ANKIB1: variants seen among roughly 807,000 people sequenced by gnomAD.
ANKIB1 encodes ankyrin repeat and IBR domain-containing protein 1.
Under a neutral mutation model 122.1 loss-of-function variants are expected in ANKIB1, and 43 were observed. The observed-to-expected ratio is 0.35, with a 90% CI of 0.28 to 0.45. The LOEUF (loss-of-function observed/expected upper bound fraction) is 0.45, where lower values mean the gene tolerates loss of function less well. Among genes scored for constraint, ANKIB1 ranks in the 20% least tolerant of loss-of-function variants. The pLI is 1.00. For missense variants in ANKIB1, 992 were observed against 1,329.5 expected (o/e 0.75, Z 3.95); for synonymous variants, 390 against 442.0 (o/e 0.88, Z 1.48).
chr7:92,319,271 A>G (rs993152848), intron 3 of ANKIB1, 59 bp from the exon 4 acceptor site: 2 of 1,029,332 alleles, frequency 1.9e-6, no homozygotes, highest in Non-Finnish European at 2.8e-6. Context: ...TTTTAAAAAT[A>G]GCATGAAATA....
intron 1 of ANKIB1, among the ~76,000 whole-genome samples, chr7:92,290,154 A>G (rs1802215550): frequency 6.6e-6 from 1 of 152,194 alleles, no homozygotes; most frequent in African/African-American, 2.4e-5. Context: ...TACAGTAACC[A>G]CTAGAGCATT....
intron 10 of ANKIB1, among the ~76,000 whole-genome samples, chr7:92,370,368 C>T (rs1218489251): frequency 2.0e-5 from 3 of 151,402 alleles, no homozygotes; most frequent in Admixed American, 2.0e-4. Flanking sequence ...ATTAGCCAGG[C>T]GTGGTGGCAG....
intron 1 of ANKIB1, among the ~76,000 whole-genome samples, chr7:92,293,282 A>T (rs10236645): frequency 0.023 from 3,482 of 152,280 alleles, 141 homozygotes; most frequent in African/African-American, 0.08. Flanking sequence ...TATACAGCCA[A>T]GGTTGAGAAC....
At chr7:92,321,224 A>G (rs1487599809) in intron 4 of ANKIB1, among the ~76,000 whole-genome samples, 1 of 152,114 alleles carries the variant, frequency 6.6e-6, no homozygotes, top group Non-Finnish European at 1.5e-5. Flanking sequence ...AAGCTAATTA[A>G]CATATCCATC....
At chr7:92,377,502 G>A (rs1044781064) in intron 11 of ANKIB1, among the ~76,000 whole-genome samples, 1 of 152,124 alleles carries the variant, frequency 6.6e-6, no homozygotes, top group African/African-American at 2.4e-5. Context: ...GTGAGCACAT[G>A]CTGTTGGAAA....
intron 3 of ANKIB1, among the ~76,000 whole-genome samples, chr7:92,315,620 A>G (rs1802779726): frequency 6.6e-6 from 1 of 152,208 alleles, no homozygotes; most frequent in Non-Finnish European, 1.5e-5. Context: ...TCAAAGATGC[A>G]AGAGAAGAAT....
intron 10 of ANKIB1, 133 bp from the exon 11 acceptor site, chr7:92,371,344 A>C (rs1804250057): frequency 1.1e-5 from 8 of 747,496 alleles, no homozygotes. Flanking sequence ...GTTGCCACAG[A>C]CCCTGATCAG....
At chr7:92,303,301 C>T (rs1453763793) in intron 2 of ANKIB1, among the ~76,000 whole-genome samples, 1 of 152,130 alleles carries the variant, frequency 6.6e-6, no homozygotes, top group Non-Finnish European at 1.5e-5. Flanking sequence ...AATCTAAATG[C>T]TCAAATGAGC....
At position 92,287,257 on chromosome 7, in the gene ANKIB1, A is replaced by T. The variant is rs565246530; in HGVS notation, c.-90-7632A>T. 2.6e-5 allele frequency among the ~76,000 whole-genome samples: 4 copies of T among 152,266 alleles called. No individual in the cohort carries two copies. In the South Asian group the frequency reaches 8.3e-4, roughly 32 times the overall value. ...GTTTTCCATTAATGTCATTTTATCC[A>T]TTTCAGAATCCAGTCTAGGGCCCTA... On this transcript the variant is annotated intron_variant, in intron 1 of 19. Transcript: ENST00000265742.
At chr7:92,329,256 G>T (rs898974466) in intron 5 of ANKIB1, among the ~76,000 whole-genome samples, 2 of 151,996 alleles carry the variant, frequency 1.3e-5, no homozygotes, top group Non-Finnish European at 2.9e-5. Flanking sequence ...GTGAGTCACC[G>T]CACCCAGCCT....
intron 1 of ANKIB1, among the ~76,000 whole-genome samples, chr7:92,252,127 C>T (rs1351922344): frequency 1.3e-5 from 2 of 152,104 alleles, no homozygotes; most frequent in African/African-American, 2.4e-5. Flanking sequence ...CATCCAGAGG[C>T]ATACAATGTA....
chr7:92,325,477 T>C (rs145870093), intron 4 of ANKIB1, among the ~76,000 whole-genome samples: 1 of 152,192 alleles, frequency 6.6e-6, no homozygotes, highest in Non-Finnish European at 1.5e-5. Context: ...CTTTCCTGGC[T>C]ATTTTTTCCA....
intron 1 of ANKIB1, among the ~76,000 whole-genome samples, chr7:92,267,086 TG>T (rs1277820471): frequency 2.0e-5 from 3 of 152,026 alleles, no homozygotes; most frequent in South Asian, 2.1e-4. Flanking sequence ...GAAGAGCAAA[TG>T]GGAAATGATG....
At position 92,371,541 on chromosome 7, in the gene ANKIB1, G is replaced by A. The variant is rs766394601; in HGVS notation, c.1551G>A (p.Lys517=). 12 of 1,605,928 alleles carry A rather than the reference G, an allele frequency of 7.5e-6. No individual in the cohort carries two copies. The East Asian group carries it at 2.7e-4, about 36-fold the overall frequency. ...ANCLWLLTNS[K]PCANCKSPIQ... ...GTCTCTGGTTATTAACTAACTCCAA[G>A]CCTTGTGCCAACTGTAAGTCTCCAA... Residue 517 remains lysine, a synonymous_variant, in exon 11 of 20, where the codon AAG becomes AAA. Transcript: ENST00000265742.
chr7:92,301,265 C>G (rs905747345), intron 2 of ANKIB1, among the ~76,000 whole-genome samples: 2 of 151,990 alleles, frequency 1.3e-5, no homozygotes, highest in African/African-American at 4.8e-5. Flanking sequence ...TACTCAACTT[C>G]TGTACTGTTT....
At chr7:92,258,024 T>A (rs1801484943) in intron 1 of ANKIB1, among the ~76,000 whole-genome samples, 1 of 152,306 alleles carries the variant, frequency 6.6e-6, no homozygotes, top group East Asian at 1.9e-4. Flanking sequence ...GAAATGTGAC[T>A]TGACATGATA....
Position 92,388,947 on chromosome 7 carries a change from A to G in ANKIB1, c.1906+906A>G, listed in dbSNP as rs77413792. Among the ~76,000 whole-genome samples, 1,461 of 152,274 alleles carry G rather than the reference A, an allele frequency of 9.6e-3. 31 individuals carry two copies. The highest frequency in any genetic ancestry group is 0.034 in the African/African-American group (1,393 of 41,546). On this transcript the variant is annotated intron_variant, in intron 14 of 19. Coordinates refer to ENST00000265742, the MANE Select transcript of ANKIB1 (RefSeq NM_019004.2). ...ATCAAACTCTTGAAGTATTGTCCAC[A>G]GTATAAATTGAGAGGAAAAAAGTCC...
intron 4 of ANKIB1, among the ~76,000 whole-genome samples, chr7:92,322,307 A>C (rs1028219855): frequency 1.3e-5 from 2 of 152,126 alleles, no homozygotes; most frequent in Admixed American, 6.6e-5. Context: ...TTAATATCTA[A>C]AAGGACTTAA....
At chr7:92,392,325 T>C in intron 17 of ANKIB1, 33 bp downstream of exon 17, 1 of 1,588,514 alleles carries the variant, frequency 6.3e-7, no homozygotes, top group Non-Finnish European at 8.6e-7. Flanking sequence ...GTTTTTGTAT[T>C]TTTTCTTAGT....
Sources: allele counts gnomAD v4.1 joint callset (sites outside exome capture counted in the v4.1 genomes callset), GRCh38; gene constraint gnomAD v4.1.1; transcripts MANE v1.5; gene names NCBI Gene and HGNC (gene_info 2026-07-23, HGNC 2026-07-21).